The following THOC2 variants were observed in gnomAD, a reference collection of about 807,000 sequenced individuals.
The protein encoded by THOC2 is THO complex subunit 2, also known as THO complex 2.
A neutral mutation model predicts 128.4 loss-of-function variants in THOC2; 10 were observed. That is an observed-to-expected ratio of 0.08 (90% CI 0.05 to 0.13). The LOEUF is 0.13. Among genes scored for constraint, THOC2 ranks in the 10% least tolerant of loss-of-function variants. The pLI, the probability that THOC2 is intolerant of heterozygous loss-of-function variation, is 1.00. For synonymous variants in THOC2, 393 were observed against 396.9 expected (o/e 0.99, Z 0.12); for missense variants, 535 against 1,155.7 (o/e 0.46, Z 7.79).
At chrX:123,672,428 T>C (rs2049316063) in intron 8 of THOC2, among the ~76,000 whole-genome samples, 1 of 111,001 alleles carries the variant, frequency 9.0e-6, no homozygotes, top group African/African-American at 3.3e-5. Context: ...TGAGCCACCA[T>C]GCCTGGCTGA....
intron 2 of THOC2, among the ~76,000 whole-genome samples, chrX:123,707,503 C>T (rs2050984017): frequency 9.0e-6 from 1 of 111,582 alleles, no homozygotes; most frequent in African/African-American, 3.3e-5. Flanking sequence ...CCATAAAAAT[C>T]AAACAAAAAA....
chrX:123,708,857 C>T (rs187188319), intron 2 of THOC2, among the ~76,000 whole-genome samples: 2 of 111,599 alleles, frequency 1.8e-5, no homozygotes, highest in Admixed American at 1.9e-4. Context: ...AGCGCTTCTC[C>T]AGCCTCAGTC....
At chrX:123,603,287 A>T (rs1012252867) in intron 38 of THOC2, 1 of 155,047 alleles carries the variant, frequency 6.4e-6, no homozygotes, top group African/African-American at 3.1e-5. Context: ...AACTGAAATT[A>T]AAATTTTTAC....
At chrX:123,672,790 A>C (rs2049331617) in intron 8 of THOC2, among the ~76,000 whole-genome samples, 1 of 111,855 alleles carries the variant, frequency 8.9e-6, no homozygotes, top group South Asian at 3.7e-4. Flanking sequence ...GGAACAGTGA[A>C]GTGAGAATAA....
chrX:123,718,898 G>T (rs1361062134), intron 1 of THOC2, among the ~76,000 whole-genome samples: 1 of 111,182 alleles, frequency 9.0e-6, no homozygotes, highest in Non-Finnish European at 1.9e-5. Context: ...TCAAGGGGCC[G>T]GGCACGGTGG....
chrX:123,621,648 TGATAAAA>T, intron 30 of THOC2, 61 bp from the exon 31 acceptor site: 1 of 863,316 alleles, frequency 1.2e-6, no homozygotes, highest in Non-Finnish European at 1.6e-6. Context: ...CTTTGATATA[TGATAAAA>T]TATATCATAA....
chrX:123,695,962 C>T, intron 7 of THOC2, 59 bp downstream of exon 7: 1 of 848,103 alleles, frequency 1.2e-6, no homozygotes, highest in Non-Finnish European at 1.6e-6. Flanking sequence ...TGGATATTCT[C>T]CAATAGCTAA....
intron 2 of THOC2, among the ~76,000 whole-genome samples, chrX:123,710,947 G>A (rs1440057742): frequency 9.9e-6 from 1 of 100,814 alleles, no homozygotes; most frequent in Non-Finnish European, 2.0e-5. Context: ...CCAAGATCGC[G>A]CCATTGCACT....
intron 33 of THOC2, among the ~76,000 whole-genome samples, chrX:123,615,656 TACACACACAC>T (rs988551946): frequency 1.8e-3 from 167 of 91,593 alleles, no homozygotes; most frequent in African/African-American, 6.2e-3. Context: ...AAAAAAAAAA[TACACACACAC>T]ACACACACAC....
At chrX:123,640,672 G>A (rs761192659) in intron 15 of THOC2, 50 bp from the exon 16 acceptor site, 3 of 750,694 alleles carry the variant, frequency 4.0e-6, no homozygotes, top group Non-Finnish European at 5.8e-6. Context: ...AACATTCCTT[G>A]TAATGTTGAT....
intron 7 of THOC2, 23 bp downstream of exon 7, chrX:123,695,998 T>C (rs769088817): frequency 3.9e-6 from 4 of 1,017,325 alleles, no homozygotes; most frequent in East Asian, 3.1e-5. Context: ...TAACAACACA[T>C]ACTATACAGA....
At chrX:123,610,333 G>A (rs1447219508) in intron 38 of THOC2, 2 of 109,731 alleles carry the variant, frequency 1.8e-5, no homozygotes, top group African/African-American at 6.6e-5. Context: ...GTTACACATT[G>A]TAAATTCCAG....
chrX:123,642,494 C>T (rs1158754494), intron 15 of THOC2, among the ~76,000 whole-genome samples: 1 of 110,001 alleles, frequency 9.1e-6, no homozygotes, highest in Non-Finnish European at 1.9e-5. Context: ...TGCTCTCAAG[C>T]CTGGTCCAGT....
At chrX:123,723,213 G>A (rs2051785517) in intron 1 of THOC2, among the ~76,000 whole-genome samples, 2 of 111,019 alleles carry the variant, frequency 1.8e-5, no homozygotes, top group Admixed American at 9.6e-5. Flanking sequence ...TACTCCAAAT[G>A]ACCAATAACA....
intron 1 of THOC2, among the ~76,000 whole-genome samples, chrX:123,724,992 C>A (rs1179693371): frequency 5.4e-5 from 6 of 111,266 alleles, no homozygotes; most frequent in Non-Finnish European, 1.1e-4. Context: ...GTGGGAGGAT[C>A]GCCAGAGCCC....
intron 12 of THOC2, among the ~76,000 whole-genome samples, chrX:123,663,538 T>TTAA (rs1556121547): frequency 3.0e-5 from 3 of 100,910 alleles, no homozygotes; most frequent in Admixed American, 2.2e-4. Flanking sequence ...CTGATTTTTT[T>TTAA]AAAAAAAAAA....
intron 32 of THOC2, chrX:123,620,049 C>T (rs980798521): frequency 1.9e-4 from 21 of 110,780 alleles, no homozygotes; most frequent in African/African-American, 6.9e-4. Flanking sequence ...AAATCAACTA[C>T]GATATTCCAC....
intron 12 of THOC2, among the ~76,000 whole-genome samples, chrX:123,657,974 T>C (rs906450585): frequency 9.3e-6 from 1 of 108,006 alleles, no homozygotes; most frequent in African/African-American, 3.4e-5. Context: ...TGTGTGTGTG[T>C]GTGTGTGTGT....
intron 3 of THOC2, among the ~76,000 whole-genome samples, chrX:123,705,958 G>A (rs971768580): frequency 1.8e-5 from 2 of 111,102 alleles, no homozygotes; most frequent in Non-Finnish European, 3.8e-5. Context: ...TTAAAAGCCA[G>A]CTTAATAATA....
Sources: gnomAD v4.1 joint callset for allele counts (sites outside exome capture counted in the v4.1 genomes callset) on GRCh38, gnomAD v4.1.1 for gene constraint, MANE v1.5 for transcripts, NCBI Gene and HGNC (gene_info 2026-07-23, HGNC 2026-07-21) for gene names.